TEX9: variants seen among roughly 807,000 people sequenced by gnomAD.
TEX9 encodes testis expressed 9.
TEX9 carries 74 observed loss-of-function variants against 59.6 expected under a neutral mutation model. The ratio of observed to expected loss-of-function variants is 1.24; its 90% confidence interval spans 1.03 to 1.51. The LOEUF (loss-of-function observed/expected upper bound fraction) is 1.51, where lower values mean the gene tolerates loss of function less well. Ranked by LOEUF, TEX9 falls within the 40% of genes most tolerant of loss-of-function variation. TEX9 has a pLI of 0.00. For synonymous variants in TEX9, 186 were observed against 152.2 expected (o/e 1.22, Z -1.64); for missense variants, 522 against 447.8 (o/e 1.17, Z -1.49).
chr15:56,286,031 A>T (rs2044945485), intron 1 of TEX9, among the ~76,000 whole-genome samples: 5 of 152,162 alleles, frequency 3.3e-5, no homozygotes, highest in Admixed American at 3.3e-4. Flanking sequence ...TATTTGATTA[A>T]TTTTTATGAC....
At chr15:56,367,598 G>A (rs1331266078) in intron 2 of TEX9, among the ~76,000 whole-genome samples, 3 of 152,144 alleles carry the variant, frequency 2.0e-5, no homozygotes, top group Non-Finnish European at 4.4e-5. Flanking sequence ...AACTGGTAGG[G>A]CAAGCCCCCT....
exon 1 of TEX9, chr15:56,365,461 G>A: frequency 6.2e-7 from 1 of 1,612,844 alleles, no homozygotes; most frequent in Non-Finnish European, 8.5e-7. Context: ...ATGGCGGGGC[G>A]AAGTCTGTGT....
chr15:56,269,653 CT>C (rs1309147898), intron 1 of TEX9, among the ~76,000 whole-genome samples: 6,137 of 131,240 alleles, frequency 0.047, 314 homozygotes, highest in African/African-American at 0.16. Context: ...CTTTTCTTTT[CT>C]TTTTTTTTTT....
At chr15:56,316,730 T>C (rs373197240) in intron 1 of TEX9, among the ~76,000 whole-genome samples, 6,530 of 151,982 alleles carry the variant, frequency 0.043, 217 homozygotes, top group Admixed American at 0.085. Flanking sequence ...TGGGCAATGG[T>C]GGGCGCCCCT....
intron 3 of TEX9, among the ~76,000 whole-genome samples, chr15:56,377,950 T>G (rs1243110928): frequency 7.2e-5 from 11 of 152,208 alleles, no homozygotes; most frequent in Non-Finnish European, 1.2e-4. Context: ...CTTTATCAAA[T>G]GCTTTTCCAG....
chr15:56,459,071 C>A, the TEX9 span, among the ~76,000 whole-genome samples: 2 of 152,114 alleles, frequency 1.3e-5, no homozygotes, highest in Non-Finnish European at 2.9e-5. Context: ...TTTACATCAC[C>A]CCAAAAGAAA....
intron 1 of TEX9, among the ~76,000 whole-genome samples, chr15:56,349,328 A>G (rs1356149928): frequency 1.3e-5 from 2 of 152,172 alleles, no homozygotes; most frequent in Non-Finnish European, 1.5e-5. Context: ...AAACAGCTCA[A>G]ATCTAATATT....
chr15:56,458,774 T>C, the TEX9 span, among the ~76,000 whole-genome samples: 1 of 152,114 alleles, frequency 6.6e-6, no homozygotes, highest in African/African-American at 2.4e-5. Flanking sequence ...CATCTTTTCA[T>C]GGCTTCATAG....
chr15:56,302,279 G>A lies in TEX9; in HGVS notation c.-107+58001G>A, dbSNP rs543306158. ...AAGGCAGGAGGATTGCTTGAGCCCA[G>A]GAGTTCAAGACCAGCCTGGGCAACA... On this transcript the variant is annotated intron_variant, in intron 1 of 5. Transcript: ENST00000560827. 2.0e-5 allele frequency among the ~76,000 whole-genome samples: 3 copies of A among 150,920 alleles called. No individual in the cohort carries two copies. The East Asian group carries it at 5.9e-4, about 30-fold the overall frequency.
At chr15:56,345,597 C>A (rs1239818208) in intron 1 of TEX9, among the ~76,000 whole-genome samples, 7 of 152,108 alleles carry the variant, frequency 4.6e-5, no homozygotes, top group African/African-American at 1.4e-4. Flanking sequence ...GCTTCTTTCC[C>A]AGCTTTTTAA....
rs78922358 is a variant in TEX9 at position 56,284,352 on chromosome 15, G to T, written c.-107+40074G>T. ...ATCCTAAATATTTTATTAAAACTTT[G>T]TGCATAAAAAGTTAAAATATCCTTT... is the stretch of plus-strand genomic sequence containing the variant. On this transcript the variant is annotated intron_variant, in intron 1 of 5. Coordinates refer to the TEX9 transcript ENST00000560827. Among the ~76,000 whole-genome samples the T allele has an allele frequency of 7.2e-5, 11 of 152,122 alleles. No individual in the cohort carries two copies. The East Asian group carries it at 2.1e-3, about 29-fold the overall frequency.
intron 1 of TEX9, among the ~76,000 whole-genome samples, chr15:56,307,292 C>T (rs1294123970): frequency 1.3e-5 from 2 of 152,168 alleles, no homozygotes; most frequent in Non-Finnish European, 2.9e-5. Context: ...TCTAAACAGC[C>T]TCTAGCGAGA....
chr15:56,411,488 C>T (rs2049339776), intron 9 of TEX9, among the ~76,000 whole-genome samples: 1 of 152,090 alleles, frequency 6.6e-6, no homozygotes, highest in South Asian at 2.1e-4. Flanking sequence ...CCCTAGAGTA[C>T]AAATCTAGCT....
intron 1 of TEX9, among the ~76,000 whole-genome samples, chr15:56,271,004 G>T (rs1353032115): frequency 2.6e-5 from 4 of 152,134 alleles, no homozygotes; most frequent in Non-Finnish European, 2.9e-5. Flanking sequence ...TGAGAGATCC[G>T]CTGTTAGTCT....
intron 2 of TEX9, among the ~76,000 whole-genome samples, chr15:56,372,318 C>A (rs949872749): frequency 6.6e-6 from 1 of 152,112 alleles, no homozygotes; most frequent in Non-Finnish European, 1.5e-5. Flanking sequence ...TAATCTCCCC[C>A]CCTTTTTTTT....
chr15:56,268,470 A>G (rs2044444550), intron 1 of TEX9, among the ~76,000 whole-genome samples: 2 of 152,216 alleles, frequency 1.3e-5, no homozygotes, highest in East Asian at 3.8e-4. Flanking sequence ...TTTGTCGTAA[A>G]TAGCTCTTAT....
chr15:56,455,995 T>C, the TEX9 span, among the ~76,000 whole-genome samples: 1 of 152,158 alleles, frequency 6.6e-6, no homozygotes, highest in Non-Finnish European at 1.5e-5. Context: ...CTAAAGTTCC[T>C]ACTGCAGTTA....
intron 1 of TEX9, among the ~76,000 whole-genome samples, chr15:56,290,017 G>A (rs1038405087): frequency 1.3e-5 from 2 of 152,198 alleles, no homozygotes; most frequent in Non-Finnish European, 2.9e-5. Context: ...GCTCTGGAGT[G>A]TGAATTAGCT....
intron 1 of TEX9, among the ~76,000 whole-genome samples, chr15:56,304,887 T>C (rs760818933): frequency 2.6e-5 from 4 of 152,194 alleles, no homozygotes; most frequent in Non-Finnish European, 4.4e-5. Context: ...CATGCCCGGT[T>C]AATTTTTGTA....
Sources: gnomAD v4.1 joint callset for allele counts (sites outside exome capture counted in the v4.1 genomes callset) on GRCh38, gnomAD v4.1.1 for gene constraint, MANE v1.5 for transcripts, NCBI Gene and HGNC (gene_info 2026-07-23, HGNC 2026-07-21) for gene names.